ABLIM1: variants seen among roughly 807,000 people sequenced by gnomAD.
ABLIM1 encodes actin-binding LIM protein 1.
ABLIM1 carries 40 observed loss-of-function variants against 107.0 expected under a neutral mutation model. The ratio of observed to expected loss-of-function variants is 0.37; its 90% CI spans 0.29 to 0.49. ABLIM1 has a LOEUF of 0.49. Among genes scored for constraint, ABLIM1 ranks in the 20% least tolerant of loss-of-function variants. ABLIM1 has a pLI of 0.97. For missense variants in ABLIM1, 857 were observed against 1,008.5 expected (o/e 0.85, Z 2.04); for synonymous variants, 357 against 357.3 (o/e 1.00, Z 0.01).
At chr10:114,513,384 AC>A (rs759940420) in intron 6 of ABLIM1, among the ~76,000 whole-genome samples, 16 of 152,198 alleles carry the variant, frequency 1.1e-4, no homozygotes, top group Non-Finnish European at 2.4e-4. Context: ...CATTTCAGTA[AC>A]AGCCAGTATT....
At chr10:114,559,301 C>A (rs2483549) in intron 4 of ABLIM1, among the ~76,000 whole-genome samples, 42,049 of 151,570 alleles carry the variant, frequency 0.28, 6,954 homozygotes, top group African/African-American at 0.46. Flanking sequence ...CACATGGCAA[C>A]CTTGAAGATT....
intron 1 of ABLIM1, among the ~76,000 whole-genome samples, chr10:114,730,678 A>C (rs1027642052): frequency 6.6e-6 from 1 of 152,182 alleles, no homozygotes; most frequent in Non-Finnish European, 1.5e-5. Context: ...TACAACGTAC[A>C]TATCAACTCA....
intron 1 of ABLIM1, chr10:114,684,231 A>C: frequency 6.5e-7 from 1 of 1,542,596 alleles, no homozygotes; most frequent in Non-Finnish European, 8.8e-7. Flanking sequence ...CCTCATCTTT[A>C]AAGACACGGT....
At chr10:114,559,438 C>CAAAAAAAAAAAAAAAAAAAA (rs72456292) in intron 4 of ABLIM1, among the ~76,000 whole-genome samples, 6 of 49,350 alleles carry the variant, frequency 1.2e-4, no homozygotes, top group Admixed American at 2.4e-4. Context: ...ACTCGTCTCT[C>CAAAAAAAAAAAAAAAAAAAA]AAAAAAAAAA....
At chr10:114,680,506 G>A (rs151257978) in intron 1 of ABLIM1, among the ~76,000 whole-genome samples, 1 of 152,278 alleles carries the variant, frequency 6.6e-6, no homozygotes, top group East Asian at 1.9e-4. Context: ...ATGTTAGCAA[G>A]GGGAAAATAA....
intron 1 of ABLIM1, among the ~76,000 whole-genome samples, chr10:114,750,704 G>C (rs1388692885): frequency 1.3e-5 from 2 of 152,152 alleles, no homozygotes; most frequent in Non-Finnish European, 2.9e-5. Flanking sequence ...CAGTAAGATA[G>C]TAAAAATATT....
chr10:114,496,530 A>G (rs1355026125), intron 6 of ABLIM1, among the ~76,000 whole-genome samples: 1 of 152,176 alleles, frequency 6.6e-6, no homozygotes, highest in East Asian at 1.9e-4. Flanking sequence ...GCATTAAGAA[A>G]AAGAGCTAAG....
chr10:114,536,577 G>A (rs4514325), intron 6 of ABLIM1, among the ~76,000 whole-genome samples: 34,127 of 151,996 alleles, frequency 0.22, 4,411 homozygotes, highest in East Asian at 0.34. Flanking sequence ...ACGTTTTCAA[G>A]GTTCCTCGAA....
chr10:114,447,730 C>T (rs1292708090), intron 15 of ABLIM1, 150 bp downstream of exon 15: 3 of 1,092,200 alleles, frequency 2.7e-6, no homozygotes, highest in African/African-American at 1.6e-5. Context: ...AAGTTAATAC[C>T]ACGTTAGTTC....
At position 114,634,129 on chromosome 10, in the gene ABLIM1, C is replaced by CTTTTT. The variant is rs745875295; in HGVS notation, c.244+23823_244+23827dup. On this transcript the variant is annotated intron_variant, in intron 1 of 22. Transcript: ENST00000533213. Reference sequence around the variant, plus strand: ...CGTAAATGCCATTAGCTCAATTTTTCTTTTTTTTTTTTTTTTTTTTTGAGA... The same window carrying CTTTTT: ...CGTAAATGCCATTAGCTCAATTTTTCTTTTTTTTTTTTTTTTTTTTTTTTTTGAGA... Among the ~76,000 whole-genome samples, 82 of 68,286 alleles carry CTTTTT rather than the reference C, an allele frequency of 1.2e-3. 18 individuals carry two copies. The highest frequency in any genetic ancestry group is 2.8e-3 in the East Asian group (5 of 1,756). The allele number at this position is 68,286 out of a possible 152,430, so 44.8% of individuals were successfully genotyped here. A position where few individuals can be genotyped will look rare whatever the true frequency, so the allele number is the denominator to read the frequency against.
intron 1 of ABLIM1, among the ~76,000 whole-genome samples, chr10:114,647,985 A>AGACGT (rs139568998): frequency 0.021 from 3,242 of 152,338 alleles, 101 homozygotes; most frequent in African/African-American, 0.074. Flanking sequence ...GGATGTAAAT[A>AGACGT]GAATGTACAT....
At chr10:114,795,366 G>C in the ABLIM1 span, among the ~76,000 whole-genome samples, 2 of 152,150 alleles carry the variant, frequency 1.3e-5, no homozygotes, top group Non-Finnish European at 2.9e-5. Flanking sequence ...CTAATACCAG[G>C]TCCACTATGC....
chr10:114,536,227 G>GTTTTTTT (rs536435789), intron 6 of ABLIM1, among the ~76,000 whole-genome samples: 3 of 56,258 alleles, frequency 5.3e-5, no homozygotes, highest in African/African-American at 2.5e-4. Flanking sequence ...TTCTTTCTTT[G>GTTTTTTT]TTTTTTTTTT....
chr10:114,717,448 G>C (rs2142003906), intron 1 of ABLIM1, among the ~76,000 whole-genome samples: 1 of 152,090 alleles, frequency 6.6e-6, no homozygotes, highest in African/African-American at 2.4e-5. Context: ...TCTTGTTTTG[G>C]GGTGCTATCA....
At chr10:114,464,117 G>A (rs900472512) in intron 12 of ABLIM1, among the ~76,000 whole-genome samples, 4 of 151,994 alleles carry the variant, frequency 2.6e-5, no homozygotes, top group Non-Finnish European at 5.9e-5. Context: ...ACGCCGCTCC[G>A]GCAACTCCAT....
upstream of ABLIM1, among the ~76,000 whole-genome samples, chr10:114,771,512 G>A (rs967220733): frequency 2.6e-5 from 4 of 152,016 alleles, no homozygotes; most frequent in Non-Finnish European, 5.9e-5. Flanking sequence ...TTACATTTTG[G>A]AGTTGTGATA....
the ABLIM1 span, among the ~76,000 whole-genome samples, chr10:114,788,352 AT>A: frequency 2.0e-5 from 3 of 148,386 alleles, no homozygotes; most frequent in Non-Finnish European, 4.5e-5. Context: ...AAAAAAATAA[AT>A]AAATAAATAA....
At chr10:114,749,568 G>A (rs766253352) in intron 1 of ABLIM1, among the ~76,000 whole-genome samples, 6 of 151,674 alleles carry the variant, frequency 4.0e-5, no homozygotes, top group Non-Finnish European at 8.8e-5. Flanking sequence ...TTTCTTTAAG[G>A]AGATACTCTC....
At chr10:114,624,388 C>T (rs561806885) in intron 1 of ABLIM1, among the ~76,000 whole-genome samples, 1 of 152,322 alleles carries the variant, frequency 6.6e-6, no homozygotes, top group South Asian at 2.1e-4. Context: ...TGGGGTGAGT[C>T]TCTTGCAGTA....
Sources: gnomAD v4.1 joint callset for allele counts (sites outside exome capture counted in the v4.1 genomes callset) on GRCh38, gnomAD v4.1.1 for gene constraint, MANE v1.5 for transcripts, NCBI Gene and HGNC (gene_info 2026-07-23, HGNC 2026-07-21) for gene names.